Variants in ELMO1 observed in about 807,000 individuals in gnomAD.
ELMO1 encodes engulfment and cell motility protein 1.
In ELMO1, 26 loss-of-function variants were observed where a neutral mutation model predicts 98.9. The observed-to-expected ratio is 0.26, with a 90% confidence interval of 0.19 to 0.36. ELMO1 has a LOEUF of 0.36. Ranked by LOEUF, ELMO1 falls within the 10% of genes least tolerant of loss-of-function variation. The pLI is 1.00. For synonymous variants in ELMO1, 346 were observed against 346.0 expected (o/e 1.00, Z 0.00); for missense variants, 627 against 935.2 (o/e 0.67, Z 4.30).
intron 14 of ELMO1, among the ~76,000 whole-genome samples, chr7:37,128,705 T>TA (rs1310550769): frequency 2.6e-5 from 4 of 151,934 alleles, no homozygotes; most frequent in South Asian, 2.1e-4. Flanking sequence ...TCTCCAATGG[T>TA]AAAAAAAGCA....
intron 14 of ELMO1, among the ~76,000 whole-genome samples, chr7:37,123,874 T>G (rs910604547): frequency 2.0e-5 from 3 of 152,158 alleles, no homozygotes; most frequent in Non-Finnish European, 2.9e-5. Flanking sequence ...TGAACATTGA[T>G]GCAAAAATCC....
Position 37,223,853 on chromosome 7 carries a change from G to C in ELMO1, c.701+1026C>G, listed in dbSNP as rs574691300. 9.9e-5 allele frequency among the ~76,000 whole-genome samples: 15 copies of C among 152,176 alleles called. No homozygotes were observed. The East Asian group carries it at 2.9e-3, about 29-fold the overall frequency. Reference sequence around the variant, plus strand: ...AATAATATCTAATATAATCTGCTTTGGTAGTTTATATTATCAACACAACAG... The same window carrying C: ...AATAATATCTAATATAATCTGCTTTCGTAGTTTATATTATCAACACAACAG... On this transcript the variant is annotated intron_variant, in intron 9 of 21. Coordinates refer to ENST00000310758, the MANE Select transcript of ELMO1 (RefSeq NM_014800.11).
At chr7:36,968,908 C>T (rs552079203) in intron 16 of ELMO1, among the ~76,000 whole-genome samples, 22 of 152,070 alleles carry the variant, frequency 1.4e-4, no homozygotes, top group Non-Finnish European at 2.6e-4. Flanking sequence ...TATTTGAGGG[C>T]AGCTTTGGCT....
chr7:37,331,678 T>C (rs1411677823), intron 2 of ELMO1, among the ~76,000 whole-genome samples: 1 of 152,110 alleles, frequency 6.6e-6, no homozygotes, highest in East Asian at 1.9e-4. Context: ...TCCTCCACAC[T>C]GACCAGAAGG....
chr7:37,362,222 A>G (rs969121772), intron 1 of ELMO1, among the ~76,000 whole-genome samples: 10 of 151,878 alleles, frequency 6.6e-5, no homozygotes, highest in Admixed American at 6.6e-4. Context: ...TATATGATAT[A>G]TATATATATA....
intron 1 of ELMO1, among the ~76,000 whole-genome samples, chr7:37,355,238 C>T (rs908105417): frequency 9.2e-5 from 14 of 152,170 alleles, no homozygotes; most frequent in Admixed American, 9.2e-4. Flanking sequence ...CCCTCAGTAT[C>T]CTCATCTGTG....
rs1786772995 is a variant in ELMO1, at chr7:36,938,848, C to CA, written c.1438-43832dup. Among the ~76,000 whole-genome samples, 3 of 152,042 alleles carry CA rather than the reference C, an allele frequency of 2.0e-5. No homozygotes were observed. The South Asian group carries it at 6.2e-4, about 32-fold the overall frequency. The stretch of plus-strand genomic sequence containing the variant: ...TATTTTGTTCAGTGACGTCAATTTT[C>CA]AAAAAATTCAATTGATTTAAACATC... On this transcript the variant is annotated intron_variant, in intron 16 of 21. Transcript: ENST00000310758.
At chr7:37,191,892 G>A (rs1791606806) in intron 13 of ELMO1, among the ~76,000 whole-genome samples, 1 of 149,476 alleles carries the variant, frequency 6.7e-6, no homozygotes, top group African/African-American at 2.4e-5. Flanking sequence ...ACTACCGCCT[G>A]GGCGAAAGAG....
chr7:37,414,391 A>G (rs1804124584), intron 1 of ELMO1, among the ~76,000 whole-genome samples: 1 of 152,240 alleles, frequency 6.6e-6, no homozygotes, highest in South Asian at 2.1e-4. Context: ...GAATATTAAC[A>G]CCTACAAGGT....
At chr7:37,347,330 G>A (rs1801053953) in intron 1 of ELMO1, among the ~76,000 whole-genome samples, 1 of 152,194 alleles carries the variant, frequency 6.6e-6, no homozygotes, top group Non-Finnish European at 1.5e-5. Context: ...CTTCTTTGCT[G>A]TAGGAGCTGC....
intron 1 of ELMO1, among the ~76,000 whole-genome samples, chr7:37,415,474 C>T (rs188051361): frequency 1.3e-5 from 2 of 152,206 alleles, no homozygotes; most frequent in Admixed American, 6.5e-5. Flanking sequence ...TAAATTGTGT[C>T]GACTTGGCAA....
intron 15 of ELMO1, among the ~76,000 whole-genome samples, chr7:37,067,399 C>T (rs1197953670): frequency 2.6e-5 from 4 of 152,164 alleles, no homozygotes; most frequent in East Asian, 1.9e-4. Flanking sequence ...AATATCTAAA[C>T]GTATGTGCAA....
chr7:37,292,293 C>G (rs80153893), intron 4 of ELMO1, among the ~76,000 whole-genome samples: 36,695 of 71,506 alleles, frequency 0.51, 11,975 homozygotes, highest in East Asian at 0.73. Context: ...GATCTCGGCT[C>G]GCTACAACCT....
chr7:37,343,487 CTTTTTTTTTT>C lies in ELMO1; in HGVS notation c.-73-734_-73-725del, dbSNP rs10571805. Among the ~76,000 whole-genome samples the C allele has an allele frequency of 4.9e-3, 453 of 92,810 alleles. 3 individuals are homozygous for C. Among genetic ancestry groups the C allele is most frequent in the Non-Finnish European group, 6.6e-3 (327 of 49,276 alleles). 60.9% of individuals were successfully genotyped at this position (92,810 alleles called of 152,430 possible). On this transcript the variant is annotated intron_variant, in intron 1 of 21. Coordinates refer to ENST00000310758, the MANE Select transcript of ELMO1 (RefSeq NM_014800.11). ...TGCCTCTTCCCAGGCTAGCCCATTT[CTTTTTTTTTT>C]TTTTTTTTTTTTTTGAGGCAGAGCC...
chr7:37,243,109 A>C (rs999619410), intron 7 of ELMO1, among the ~76,000 whole-genome samples: 3 of 152,166 alleles, frequency 2.0e-5, no homozygotes, highest in Non-Finnish European at 4.4e-5. Context: ...CAGGGCCTTG[A>C]CTATTCATTT....
chr7:36,970,151 AAC>A (rs943888779), intron 16 of ELMO1, among the ~76,000 whole-genome samples: 14 of 136,740 alleles, frequency 1.0e-4, no homozygotes, highest in Non-Finnish European at 4.7e-5. Context: ...CACACACACA[AAC>A]ACACACACAA....
At chr7:37,212,697 T>C (rs369984399) in intron 12 of ELMO1, among the ~76,000 whole-genome samples, 4 of 152,228 alleles carry the variant, frequency 2.6e-5, no homozygotes, top group Middle Eastern at 6.8e-3. Flanking sequence ...CAATAATGAG[T>C]GTTTTCCTTT....
At chr7:36,866,956 T>A (rs1365515478) in intron 20 of ELMO1, among the ~76,000 whole-genome samples, 1 of 152,146 alleles carries the variant, frequency 6.6e-6, no homozygotes, top group Non-Finnish European at 1.5e-5. Context: ...CCTTTTGATG[T>A]TTTGCTTGAT....
intron 14 of ELMO1, among the ~76,000 whole-genome samples, chr7:37,097,205 A>G (rs1053435923): frequency 6.6e-6 from 1 of 152,176 alleles, no homozygotes; most frequent in Non-Finnish European, 1.5e-5. Context: ...ATGTGACATG[A>G]TGGACCAATC....
Sources: gnomAD v4.1 joint callset for allele counts (sites outside exome capture counted in the v4.1 genomes callset) on GRCh38, gnomAD v4.1.1 for gene constraint, MANE v1.5 for transcripts, NCBI Gene and HGNC (gene_info 2026-07-23, HGNC 2026-07-21) for gene names.